The following MAP3K8 variants were observed in gnomAD, a reference collection of about 807,000 sequenced individuals.
The protein encoded by MAP3K8 is mitogen-activated protein kinase kinase kinase 8, also known as Ewing sarcoma transformant.
MAP3K8 carries 22 observed loss-of-function variants against 45.8 expected under a neutral mutation model. That is an observed-to-expected ratio of 0.48 (90% confidence interval 0.34 to 0.69). The LOEUF (loss-of-function observed/expected upper bound fraction) is 0.69. Among genes scored for constraint, MAP3K8 ranks in the 30% least tolerant of loss-of-function variants. MAP3K8 has a pLI of 0.01. For synonymous variants in MAP3K8, 223 were observed against 214.3 expected (o/e 1.04, Z -0.36); for missense variants, 419 against 585.0 (o/e 0.72, Z 2.93).
intron 5 of MAP3K8, 184 bp downstream of exon 5, chr10:30,450,703 T>A (rs1836507411): frequency 3.3e-6 from 2 of 599,510 alleles, no homozygotes; most frequent in African/African-American, 1.9e-5. Flanking sequence ...GCTTTCAAAG[T>A]CATAAGGAAA....
At chr10:30,448,667 A>G (rs945496308) in intron 4 of MAP3K8, among the ~76,000 whole-genome samples, 3 of 152,082 alleles carry the variant, frequency 2.0e-5, no homozygotes, top group Non-Finnish European at 4.4e-5. Flanking sequence ...TCCTGACTAC[A>G]AGTGATCCAC....
At chr10:30,449,730 G>A (rs1300210879) in intron 4 of MAP3K8, among the ~76,000 whole-genome samples, 1 of 152,052 alleles carries the variant, frequency 6.6e-6, no homozygotes, top group Non-Finnish European at 1.5e-5. Context: ...GGCTGGTCTC[G>A]AACTCCTAGC....
intron 6 of MAP3K8, among the ~76,000 whole-genome samples, chr10:30,456,975 T>C (rs1449557418): frequency 1.3e-5 from 2 of 151,994 alleles, no homozygotes; most frequent in African/African-American, 4.8e-5. Context: ...TCCCAGCTAG[T>C]TGGGAGGCCG....
At chr10:30,453,616 T>G (rs543043702) in intron 6 of MAP3K8, among the ~76,000 whole-genome samples, 2 of 152,286 alleles carry the variant, frequency 1.3e-5, no homozygotes, top group East Asian at 3.9e-4. Context: ...CAGGTTCTTG[T>G]GAGCACCAAC....
chr10:30,441,710 A>G (rs1217201334), intron 3 of MAP3K8, among the ~76,000 whole-genome samples: 1 of 152,146 alleles, frequency 6.6e-6, no homozygotes, highest in African/African-American at 2.4e-5. Context: ...AAGATGGACT[A>G]CATTGCTGTG....
Position 30,460,779 on chromosome 10 carries a change from C to T in MAP3K8, c.1347C>T (p.Gly449=), listed in dbSNP as rs368281659. The T allele has an allele frequency of 1.6e-5, 26 of 1,613,850 alleles. No homozygotes were observed. The highest frequency in any genetic ancestry group is 9.3e-5 in the African/African-American group (7 of 74,914). ...AACGCTCTCTCTACATCGACCTCGG[C>T]GCTCTGGCTGGCTACTTCAATCTTG... ...KRQRSLYIDL[G]ALAGYFNLVR... The change falls in exon 9 of 9, where the codon GGC becomes GGT. Residue 449 remains glycine (G), a synonymous_variant. Coordinates refer to ENST00000263056, the MANE Select transcript of MAP3K8 (RefSeq NM_005204.4).
At chr10:30,449,560 CACTT>C (rs1836464392) in intron 4 of MAP3K8, among the ~76,000 whole-genome samples, 1 of 152,158 alleles carries the variant, frequency 6.6e-6, no homozygotes, top group Non-Finnish European at 1.5e-5. Context: ...AAAATACACT[CACTT>C]TTGATTTAAC....
chr10:30,455,789 G>A (rs1836711294), intron 6 of MAP3K8, among the ~76,000 whole-genome samples: 1 of 152,152 alleles, frequency 6.6e-6, no homozygotes, highest in South Asian at 2.1e-4. Context: ...CTGCCCCGAG[G>A]GTGCAGAACT....
At position 30,452,259 on chromosome 10, in the gene MAP3K8, C is replaced by T. The variant is rs147023353; in HGVS notation, c.873+515C>T. ...CTGAGATGGGCGGATCACCTGAGGT[C>T]GGGAGTTTGAGACAAGCCTGACCAA... On this transcript the variant is annotated intron_variant, in intron 6 of 8. Coordinates refer to ENST00000263056, the MANE Select transcript of MAP3K8 (RefSeq NM_005204.4). Among the ~76,000 whole-genome samples the T allele has an allele frequency of 7.2e-3, 1,098 of 152,086 alleles. 6 individuals are homozygous for T. The highest frequency in any genetic ancestry group is 0.024 in the African/African-American group (1,004 of 41,486).
chr10:30,458,258 CT>C, intron 7 of MAP3K8, 22 bp downstream of exon 7: 4 of 499,846 alleles, frequency 8.0e-6, no homozygotes, highest in Non-Finnish European at 9.3e-6. Context: ...TCAACCAGGG[CT>C]GGGGGCGGCG....
chr10:30,452,627 A>G (rs535606559), intron 6 of MAP3K8, among the ~76,000 whole-genome samples: 1 of 152,118 alleles, frequency 6.6e-6, no homozygotes, highest in South Asian at 2.1e-4. Flanking sequence ...TGCTTCAAAA[A>G]AAAAAAAAGC....
At chr10:30,444,900 A>T (rs1429031785) in intron 3 of MAP3K8, among the ~76,000 whole-genome samples, 1 of 152,198 alleles carries the variant, frequency 6.6e-6, no homozygotes, top group African/African-American at 2.4e-5. Context: ...TAATGCCAGC[A>T]CTAACTAGCA....
chr10:30,441,047 G>A (rs1296928923), intron 3 of MAP3K8, among the ~76,000 whole-genome samples: 3 of 152,110 alleles, frequency 2.0e-5, no homozygotes, highest in East Asian at 3.8e-4. Flanking sequence ...GAGAGACTAA[G>A]ACATTAAGAT....
At chr10:30,452,885 G>A (rs1836600832) in intron 6 of MAP3K8, among the ~76,000 whole-genome samples, 1 of 151,454 alleles carries the variant, frequency 6.6e-6, no homozygotes, top group South Asian at 2.1e-4. Context: ...CACTATGTTG[G>A]CCAGGCTGGT....
At chr10:30,459,756 CT>C (rs1000563707) in intron 8 of MAP3K8, among the ~76,000 whole-genome samples, 1 of 152,108 alleles carries the variant, frequency 6.6e-6, no homozygotes, top group Non-Finnish European at 1.5e-5. Context: ...TTCTGACTTG[CT>C]TTTTTGCAAC....
chr10:30,442,812 A>G (rs1836159600), intron 3 of MAP3K8, among the ~76,000 whole-genome samples: 2 of 152,148 alleles, frequency 1.3e-5, no homozygotes, highest in African/African-American at 4.8e-5. Flanking sequence ...AGAGCTGAAG[A>G]TGTTCCTTAG....
chr10:30,439,393 ATGT>A, intron 3 of MAP3K8, 119 bp downstream of exon 3: 1 of 1,464,212 alleles, frequency 6.8e-7, no homozygotes, highest in African/African-American at 1.4e-5. Flanking sequence ...ATTTTAAAAA[ATGT>A]AATCATCAGT....
chr10:30,449,581 T>A (rs565035997), intron 4 of MAP3K8, among the ~76,000 whole-genome samples: 12 of 152,324 alleles, frequency 7.9e-5, no homozygotes, highest in African/African-American at 2.9e-4. Context: ...TAACAAAAAA[T>A]AAAATAAATA....
At chr10:30,457,502 A>G (rs769020751) in intron 6 of MAP3K8, among the ~76,000 whole-genome samples, 35 of 152,224 alleles carry the variant, frequency 2.3e-4, no homozygotes, top group Admixed American at 1.7e-3. Context: ...TCATTTAAAT[A>G]TAAAAGGAAT....
Sources: gnomAD v4.1 joint callset for allele counts (sites outside exome capture counted in the v4.1 genomes callset) on GRCh38, gnomAD v4.1.1 for gene constraint, MANE v1.5 for transcripts, NCBI Gene and HGNC (gene_info 2026-07-23, HGNC 2026-07-21) for gene names.